The following SCHIP1 variants were observed in gnomAD, a reference collection of about 807,000 sequenced individuals.
SCHIP1 encodes schwannomin-interacting protein 1.
Under a neutral mutation model 29.7 loss-of-function variants are expected in SCHIP1, and 8 were observed. That is an observed-to-expected ratio of 0.27 (90% confidence interval 0.16 to 0.49). SCHIP1 has a LOEUF of 0.49. Ranked by LOEUF, SCHIP1 falls within the 20% of genes least tolerant of loss-of-function variation. SCHIP1 has a pLI of 0.99. For synonymous variants in SCHIP1, 76 were observed against 94.9 expected (o/e 0.80, Z 1.16); for missense variants, 193 against 294.6 (o/e 0.66, Z 2.52).
the SCHIP1 span, among the ~76,000 whole-genome samples, chr3:159,543,136 TAG>T: frequency 2.8e-5 from 4 of 145,126 alleles, no homozygotes; most frequent in South Asian, 4.3e-4. Context: ...TATATATATA[TAG>T]ATATAAAAGT....
the SCHIP1 span, among the ~76,000 whole-genome samples, chr3:159,828,577 G>A: frequency 6.6e-6 from 1 of 150,928 alleles, no homozygotes; most frequent in African/African-American, 2.4e-5. Flanking sequence ...TCGTACTTTT[G>A]ACATTTTTTT....
chr3:159,331,472 T>G, the SCHIP1 span, among the ~76,000 whole-genome samples: 1 of 152,162 alleles, frequency 6.6e-6, no homozygotes, highest in Non-Finnish European at 1.5e-5. Context: ...CTGCAGTGTC[T>G]GAGAGTGACA....
At chr3:159,628,227 A>T in the SCHIP1 span, among the ~76,000 whole-genome samples, 1 of 152,212 alleles carries the variant, frequency 6.6e-6, no homozygotes, top group Admixed American at 6.5e-5. Context: ...CACTCAAGAA[A>T]TGTAGGTGAA....
At chr3:159,566,240 T>G in the SCHIP1 span, among the ~76,000 whole-genome samples, 1 of 152,220 alleles carries the variant, frequency 6.6e-6, no homozygotes, top group Admixed American at 6.5e-5. Context: ...TTCCTCTCAG[T>G]GCACAAATAA....
At chr3:159,553,378 C>G in the SCHIP1 span, among the ~76,000 whole-genome samples, 2 of 151,806 alleles carry the variant, frequency 1.3e-5, no homozygotes, top group African/African-American at 4.8e-5. Flanking sequence ...TACACAGATT[C>G]AGTAATGGGA....
At chr3:159,719,269 T>C in the SCHIP1 span, among the ~76,000 whole-genome samples, 1 of 151,844 alleles carries the variant, frequency 6.6e-6, no homozygotes, top group African/African-American at 2.4e-5. Flanking sequence ...AGACCTAAAA[T>C]CATAAAAACC....
chr3:159,744,391 C>G, the SCHIP1 span, among the ~76,000 whole-genome samples: 1 of 152,284 alleles, frequency 6.6e-6, no homozygotes, highest in South Asian at 2.1e-4. Context: ...AAAACCAGTA[C>G]AGACAGAATC....
the SCHIP1 span, among the ~76,000 whole-genome samples, chr3:159,467,522 C>T: frequency 2.6e-5 from 4 of 151,640 alleles, no homozygotes; most frequent in Non-Finnish European, 4.4e-5. Flanking sequence ...AAAGAACTGG[C>T]CAGTCTTAAC....
the SCHIP1 span, among the ~76,000 whole-genome samples, chr3:159,610,436 G>C: frequency 6.6e-6 from 1 of 152,152 alleles, no homozygotes; most frequent in Non-Finnish European, 1.5e-5. Flanking sequence ...TTTTTTCCAA[G>C]TCGGATTCAA....
the SCHIP1 span, among the ~76,000 whole-genome samples, chr3:159,684,598 G>A: frequency 6.6e-6 from 1 of 152,006 alleles, no homozygotes; most frequent in Non-Finnish European, 1.5e-5. Context: ...GAGGTCAGGA[G>A]ATCGAGACCA....
the SCHIP1 span, among the ~76,000 whole-genome samples, chr3:159,529,453 C>CT: frequency 2.0e-5 from 3 of 151,942 alleles, no homozygotes; most frequent in South Asian, 4.2e-4. Flanking sequence ...TACATGTTCC[C>CT]TTTTTTTTAT....
At chr3:159,690,267 T>A in the SCHIP1 span, among the ~76,000 whole-genome samples, 1 of 152,212 alleles carries the variant, frequency 6.6e-6, no homozygotes, top group African/African-American at 2.4e-5. Context: ...CTGCCTCAAT[T>A]TCAGAACTTG....
the SCHIP1 span, among the ~76,000 whole-genome samples, chr3:159,828,406 TAC>T: frequency 3.4e-3 from 182 of 53,926 alleles, 4 homozygotes; most frequent in Non-Finnish European, 5.2e-3. Flanking sequence ...CGTATATATA[TAC>T]GTATATATAC....
the SCHIP1 span, chr3:159,765,295 TG>T: frequency 1.2e-6 from 1 of 858,188 alleles, no homozygotes; most frequent in East Asian, 3.2e-5. Context: ...TCTGCTCCCC[TG>T]GGGATAAGGT....
At chr3:159,694,593 AAAGAAAGAAAGAAAGG>A in the SCHIP1 span, among the ~76,000 whole-genome samples, 202 of 128,872 alleles carry the variant, frequency 1.6e-3, no homozygotes, top group African/African-American at 5.4e-3. Context: ...AGAAAGAAAG[AAAGAAAGAAAGAAAGG>A]AATTATGACC....
the SCHIP1 span, among the ~76,000 whole-genome samples, chr3:159,465,348 C>A: frequency 6.9e-6 from 1 of 145,194 alleles, no homozygotes; most frequent in South Asian, 2.2e-4. Context: ...TGTTTGTGTG[C>A]GTGTGTGTGT....
the SCHIP1 span, among the ~76,000 whole-genome samples, chr3:159,517,940 A>C: frequency 6.6e-6 from 1 of 152,134 alleles, no homozygotes; most frequent in African/African-American, 2.4e-5. Context: ...ATTTAAGCAA[A>C]TATTCAATGG....
chr3:159,389,455 T>A, the SCHIP1 span, among the ~76,000 whole-genome samples: 8 of 152,028 alleles, frequency 5.3e-5, no homozygotes, highest in African/African-American at 1.9e-4. Flanking sequence ...AAGCACAGAA[T>A]TTTTGGAGGA....
chr3:159,890,584 T>TA (rs1449888793), intron 5 of SCHIP1, among the ~76,000 whole-genome samples: 1 of 152,202 alleles, frequency 6.6e-6, no homozygotes, highest in Non-Finnish European at 1.5e-5. Context: ...CAGGATTTTT[T>TA]AAAAAAATTC....
Sources: allele counts gnomAD v4.1 joint callset (sites outside exome capture counted in the v4.1 genomes callset), GRCh38; gene constraint gnomAD v4.1.1; transcripts MANE v1.5; gene names NCBI Gene and HGNC (gene_info 2026-07-23, HGNC 2026-07-21).